BEGAIN: variants seen among roughly 807,000 people sequenced by gnomAD.
The protein encoded by BEGAIN is brain enriched guanylate kinase associated.
BEGAIN carries 19 observed loss-of-function variants against 35.8 expected under a neutral mutation model. The observed-to-expected ratio is 0.53, with a 90% confidence interval of 0.37 to 0.78. The LOEUF (loss-of-function observed/expected upper bound fraction) is 0.78, where lower values mean the gene tolerates loss of function less well. Ranked by LOEUF, BEGAIN falls within the 30% of genes least tolerant of loss-of-function variation. The pLI is 0.00. For missense variants in BEGAIN, 795 were observed against 853.6 expected, an observed-to-expected ratio of 0.93 and a Z score of 0.85; for synonymous variants, 462 against 388.6, an observed-to-expected ratio of 1.19 and a Z score of -2.22.
rs1437910076 is a variant in BEGAIN, at chr14:100,585,452, CCATCCATT to C, written c.42+1789_42+1796del. 3.1e-4 allele frequency among the ~76,000 whole-genome samples: 44 copies of C among 141,486 alleles called. No individual in the cohort carries two copies. In the East Asian group the frequency reaches 4.7e-3, roughly 15 times the overall value. 92.8% of individuals were successfully genotyped at this position (141,486 alleles called of 152,430 possible). On this transcript the variant is annotated intron_variant, in intron 1 of 6. Coordinates refer to ENST00000554140, the MANE Select transcript of BEGAIN (RefSeq NM_001385089.1). ...TCCATCCATCCATCCATCCATCCAT[CCATCCATT>C]CATCCATCCATCCACTCTTCAGCAT...
chr14:100,580,934 G>T (rs147733967), intron 1 of BEGAIN, among the ~76,000 whole-genome samples: 1 of 152,162 alleles, frequency 6.6e-6, no homozygotes, highest in Admixed American at 6.5e-5. Flanking sequence ...GCTCTCGGGA[G>T]GCCACAGTGT....
chr14:100,543,837 C>T (rs1230532165), intron 5 of BEGAIN, 21 bp downstream of exon 5: 2 of 1,599,542 alleles, frequency 1.3e-6, no homozygotes, highest in Non-Finnish European at 1.7e-6. Flanking sequence ...CTTCCATGGG[C>T]CAAGTGTGTG....
At chr14:100,565,536 GT>G (rs2034616550) in intron 2 of BEGAIN, among the ~76,000 whole-genome samples, 1 of 152,116 alleles carries the variant, frequency 6.6e-6, no homozygotes, top group Non-Finnish European at 1.5e-5. Flanking sequence ...GCCCTGGGGG[GT>G]GTGGGAGAGG....
chr14:100,587,393 C>A lies in BEGAIN; in HGVS notation c.-103G>T, dbSNP rs1029964758. ...AGCCGGCGCGGCCGGGGCTCCCCCA[C>A]CCCGCCCGGCTTCCCGCAGGGAGCG... On this transcript the variant is annotated 5_prime_UTR_variant, in exon 1 of 7. Transcript: ENST00000554140. The A allele has an allele frequency of 6.8e-6, 1 of 146,120 alleles. No individual in the cohort carries two copies. Among genetic ancestry groups the A allele is most frequent in the South Asian group, 1.8e-4 (1 of 5,406 alleles). 9.1% of individuals were successfully genotyped at this position (146,120 alleles called of 1,614,324 possible). A position where few individuals can be genotyped will look rare whatever the true frequency, so the allele number is the denominator to read the frequency against.
chr14:100,537,891 G>A lies in BEGAIN; in HGVS notation c.*78C>T. Reference sequence around the variant, plus strand: ...CCGGGGCAGGGGAACAGCGGGGGCTGGGGAGAGGTGAGGCCGGCCCTTCTG... The same window carrying A: ...CCGGGGCAGGGGAACAGCGGGGGCTAGGGAGAGGTGAGGCCGGCCCTTCTG... On this transcript the variant is annotated 3_prime_UTR_variant, in exon 7 of 7. Transcript: ENST00000554140. 6.7e-7 allele frequency: 1 copy of A among 1,498,744 alleles called. No homozygotes were observed. Among genetic ancestry groups the A allele is most frequent in the East Asian group, 2.4e-5 (1 of 40,928 alleles). The allele number at this position is 1,498,744 out of a possible 1,614,324, so 92.8% of individuals were successfully genotyped here.
In BEGAIN at chr14:100,538,991, C is replaced by T. The variant is rs147214195; in HGVS notation, c.817G>A (p.Val273Met). 2.1e-5 allele frequency: 34 copies of T among 1,610,418 alleles called. No homozygotes were observed. The highest frequency in any genetic ancestry group is 2.7e-5 in the Non-Finnish European group (32 of 1,178,874). ...RPSVDAPVTDVGFLRAQNSTD... is the reference protein window; with the variant it reads ...RPSVDAPVTDMGFLRAQNSTD... Reference sequence around the variant, plus strand: ...GAGTTCTGGGCCCGCAGGAAGCCCACGTCGGTCACGGGCGCGTCCACGCTA... The same window carrying T: ...GAGTTCTGGGCCCGCAGGAAGCCCATGTCGGTCACGGGCGCGTCCACGCTA... The change falls in exon 7 of 7, where the codon GTG becomes ATG. Residue 273 changes from valine to methionine, a missense_variant. Around this residue, in one of 3 missense-constraint regions of BEGAIN, gnomAD observed 664 missense variants for 647.7 expected, o/e 1.03. Coordinates refer to ENST00000554140, the MANE Select transcript of BEGAIN (RefSeq NM_001385089.1).
In BEGAIN at chr14:100,539,036, G is replaced by T. The variant is rs781764824; in HGVS notation, c.772C>A (p.Arg258=). The stretch of plus-strand genomic sequence containing the variant: ...ACGCTAGGCCGCCGGTCTCGCCGCC[G>T]CTCCTCCGGGCAGTAGAGGGCTGTG... ...SDTALYCPEE[R]RRDRRPSVDA... Residue 258 remains arginine, a synonymous_variant, in exon 7 of 7, where the codon CGG becomes AGG. Coordinates refer to ENST00000554140, the MANE Select transcript of BEGAIN (RefSeq NM_001385089.1). The T allele has an allele frequency of 6.2e-7, 1 of 1,611,894 alleles. No homozygotes were observed. The highest frequency in any genetic ancestry group is 1.3e-5 in the African/African-American group (1 of 74,934).
At position 100,546,674 on chromosome 14, in the gene BEGAIN, T is replaced by C. The variant is rs564340080; in HGVS notation, c.72-12A>G. The stretch of plus-strand genomic sequence containing the variant: ...GCTCCTGCAGCGCGCTGCAACGACA[T>C]GGCGGCGGCGGGCCGGGCCGCGGCG... On this transcript the variant is annotated splice_polypyrimidine_tract_variant and intron_variant, in intron 2 of 6. Transcript: ENST00000554140. The C allele has an allele frequency of 1.8e-4, 270 of 1,530,192 alleles. 3 individuals carry two copies. In the South Asian group the frequency reaches 2.9e-3, roughly 16 times the overall value. The allele number at this position is 1,530,192 out of a possible 1,614,324, so 94.8% of individuals were successfully genotyped here.
rs1354521724 is a variant in BEGAIN, at chr14:100,587,274, C to T, written c.17G>A (p.Arg6His). The change falls in exon 1 of 7, where the codon CGC becomes CAC. Residue 6 changes from arginine to histidine, a missense_variant. Arg to His is a conservative substitution (Grantham distance 29). This residue lies in a region of BEGAIN where 58 missense variants were observed against 62.7 expected (regional missense o/e 0.92). Coordinates refer to ENST00000554140, the MANE Select transcript of BEGAIN (RefSeq NM_001385089.1). ...CGCCCGGCGCAGCCGGCCCGGCCGG[C>T]GACCGCCAGTCCACATGGCCCCAGG... is the stretch of plus-strand genomic sequence containing the variant. MWTGG[R>H]RPGRLRRAAS... 5.3e-6 allele frequency: 1 copy of T among 189,458 alleles called. No homozygotes were observed. The highest frequency in any genetic ancestry group is 8.2e-5 in the South Asian group (1 of 12,248). The allele number at this position is 189,458 out of a possible 1,614,324, so 11.7% of individuals were successfully genotyped here. A position where few individuals can be genotyped will look rare whatever the true frequency, so the allele number is the denominator to read the frequency against.
chr14:100,569,516 TAC>T, intron 1 of BEGAIN: 1 of 152,536 alleles, frequency 6.6e-6, no homozygotes. Context: ...GCCTGGATCC[TAC>T]GGCACTGGAG....
intron 2 of BEGAIN, chr14:100,550,400 G>C (rs1405799579): frequency 2.5e-6 from 1 of 398,972 alleles, no homozygotes; most frequent in Non-Finnish European, 4.4e-6. Flanking sequence ...GGGAGCCGGG[G>C]GAGACAACAG....
intron 1 of BEGAIN, among the ~76,000 whole-genome samples, chr14:100,576,374 C>T (rs558100288): frequency 2.0e-5 from 3 of 152,304 alleles, no homozygotes; most frequent in Admixed American, 2.0e-4. Context: ...GCACTGGGGA[C>T]ATAATGATGG....
chr14:100,545,539 G>T, intron 3 of BEGAIN: 1 of 596,182 alleles, frequency 1.7e-6, no homozygotes, highest in Non-Finnish European at 2.1e-6. Context: ...CGGGTAGGAG[G>T]AGTGGAGCTG....
In BEGAIN at chr14:100,540,482, C is replaced by CG. The variant is rs1449085745; in HGVS notation, c.492+13dup. On this transcript the variant is annotated intron_variant, in intron 6 of 6. Coordinates refer to ENST00000554140, the MANE Select transcript of BEGAIN (RefSeq NM_001385089.1). ...TCCCGGGGCGGGGTGGGCCTGGCTG[C>CG]GGGGCCACGTTACCTCAGACACCTT... The CG allele has an allele frequency of 3.2e-6, 5 of 1,575,242 alleles. No individual in the cohort carries two copies. The Admixed American group carries it at 7.1e-5, about 22-fold the overall frequency.
chr14:100,541,454 C>G (rs113589429), intron 5 of BEGAIN, among the ~76,000 whole-genome samples: 2 of 152,346 alleles, frequency 1.3e-5, no homozygotes, highest in South Asian at 4.1e-4. Flanking sequence ...CCCCCCACCA[C>G]GGCCCTGGAG....
chr14:100,565,641 G>C (rs781709607), intron 2 of BEGAIN, among the ~76,000 whole-genome samples: 9 of 152,146 alleles, frequency 5.9e-5, no homozygotes, highest in Non-Finnish European at 1.0e-4. Flanking sequence ...CAGGAGGCAG[G>C]ACCGACCATA....
chr14:100,560,772 C>T (rs1048549529), intron 2 of BEGAIN, among the ~76,000 whole-genome samples: 10 of 152,188 alleles, frequency 6.6e-5, no homozygotes, highest in Admixed American at 2.0e-4. Context: ...GGCCCTGCTG[C>T]GTTCACCTGA....
At chr14:100,561,496 C>T (rs1478706420) in intron 2 of BEGAIN, among the ~76,000 whole-genome samples, 2 of 152,160 alleles carry the variant, frequency 1.3e-5, no homozygotes, top group African/African-American at 4.8e-5. Context: ...TGTCTGTAAT[C>T]CCAGCACTTT....
At chr14:100,585,388 ATCCCTCCCATCCATCCCTCCC>A (rs1804297480) in intron 1 of BEGAIN, among the ~76,000 whole-genome samples, 1 of 26,654 alleles carries the variant, frequency 3.8e-5, no homozygotes, top group South Asian at 2.2e-3. Flanking sequence ...CCATCCATCC[ATCCCTCCCATCCATCCCTCCC>A]TCCCTCCCAT....
Sources: allele counts gnomAD v4.1 joint callset (sites outside exome capture counted in the v4.1 genomes callset), GRCh38; gene constraint gnomAD v4.1.1; regional missense constraint gnomAD v4.1.1; transcripts MANE v1.5; gene names NCBI Gene and HGNC (gene_info 2026-07-23, HGNC 2026-07-21).